The following GARIN1B variants were observed in gnomAD, a reference collection of about 807,000 sequenced individuals.
The protein encoded by GARIN1B is Golgi-associated RAB2 interactor protein 1B.
At chr7:128,723,044 A>C in the GARIN1B span, among the ~76,000 whole-genome samples, 1 of 152,212 alleles carries the variant, frequency 6.6e-6, no homozygotes, top group African/African-American at 2.4e-5. Flanking sequence ...AAACCAAAAA[A>C]TATGGCCTCA....
the GARIN1B span, among the ~76,000 whole-genome samples, chr7:128,716,241 TTCGTCTCCTTGCCTGGGC>T: frequency 6.6e-6 from 1 of 152,178 alleles, no homozygotes; most frequent in South Asian, 2.1e-4. Flanking sequence ...TCGGTGCACG[TTCGTCTCCTTGCCTGGGC>T]TCTCCTCTGG....
the GARIN1B span, among the ~76,000 whole-genome samples, chr7:128,709,578 C>G: frequency 0.24 from 36,796 of 151,872 alleles, 5,212 homozygotes; most frequent in East Asian, 0.61. Flanking sequence ...GCCATCTAAA[C>G]TTGCTGGAAA....
chr7:128,724,894 A>G, the GARIN1B span: 1 of 1,283,640 alleles, frequency 7.8e-7, no homozygotes, highest in Non-Finnish European at 1.0e-6. Context: ...GCTCGCAAAG[A>G]CATGGGCCCA....
the GARIN1B span, chr7:128,715,700 G>A: frequency 6.2e-7 from 1 of 1,609,964 alleles, no homozygotes; most frequent in East Asian, 2.2e-5. Flanking sequence ...GGTATTCTTG[G>A]GTGGCGCAGA....
the GARIN1B span, among the ~76,000 whole-genome samples, chr7:128,722,678 C>G: frequency 6.6e-6 from 1 of 151,990 alleles, no homozygotes; most frequent in Non-Finnish European, 1.5e-5. Context: ...GTGGCAGACA[C>G]CTGTAGTCCT....
At chr7:128,719,234 C>T in the GARIN1B span, 1 of 555,576 alleles carries the variant, frequency 1.8e-6, no homozygotes, top group Non-Finnish European at 2.9e-6. Context: ...CAATAAAATC[C>T]ACCATTGTGG....
At chr7:128,729,833 T>C in the GARIN1B span, 6 of 1,527,820 alleles carry the variant, frequency 3.9e-6, no homozygotes, top group South Asian at 6.0e-5. Context: ...CCCCCCCAAA[T>C]GTCAGCTGTA....
At chr7:128,730,949 C>A in the GARIN1B span, 9 of 725,704 alleles carry the variant, frequency 1.2e-5, no homozygotes, top group East Asian at 2.1e-4. Flanking sequence ...CAGGTGTGAG[C>A]CACTGGGCCC....
At chr7:128,713,894 C>T in the GARIN1B span, 295 of 1,101,284 alleles carry the variant, frequency 2.7e-4, 2 homozygotes, top group Middle Eastern at 3.2e-3. Context: ...TTAATTACTA[C>T]GCTTTTGTGC....
At chr7:128,710,598 T>C in the GARIN1B span, among the ~76,000 whole-genome samples, 2 of 152,244 alleles carry the variant, frequency 1.3e-5, no homozygotes, top group African/African-American at 4.8e-5. Context: ...CTGACTCAGT[T>C]TTCTGTCATG....
the GARIN1B span, among the ~76,000 whole-genome samples, chr7:128,714,472 G>A: frequency 3.9e-5 from 6 of 152,162 alleles, no homozygotes; most frequent in Non-Finnish European, 8.8e-5. Flanking sequence ...CAGCTACTCG[G>A]GAGGCTGAGG....
At chr7:128,728,533 G>A in the GARIN1B span, among the ~76,000 whole-genome samples, 3 of 152,168 alleles carry the variant, frequency 2.0e-5, no homozygotes, top group South Asian at 2.1e-4. Context: ...ACAACTGCTG[G>A]CAGCTGACAC....
chr7:128,720,900 G>C, the GARIN1B span, among the ~76,000 whole-genome samples: 13 of 152,054 alleles, frequency 8.5e-5, no homozygotes, highest in African/African-American at 3.1e-4. Context: ...GGTGATATAA[G>C]TCTTCTAATT....
At chr7:128,709,750 CTTTTTTTTT>C in the GARIN1B span, among the ~76,000 whole-genome samples, 11,968 of 114,714 alleles carry the variant, frequency 0.1, 923 homozygotes, top group East Asian at 0.26. Context: ...CTCTCTCTCT[CTTTTTTTTT>C]TTTTTTTTTT....
chr7:128,722,803 C>CA, the GARIN1B span, among the ~76,000 whole-genome samples: 925 of 144,082 alleles, frequency 6.4e-3, 9 homozygotes, highest in Middle Eastern at 0.018. Context: ...GACTCTGCCT[C>CA]AAAAAAAAAA....
At chr7:128,715,950 C>T in the GARIN1B span, among the ~76,000 whole-genome samples, 1 of 152,186 alleles carries the variant, frequency 6.6e-6, no homozygotes, top group Admixed American at 6.5e-5. Context: ...TATCTAATCC[C>T]CCAGTTTACT....
At chr7:128,713,043 G>A in the GARIN1B span, among the ~76,000 whole-genome samples, 1 of 152,088 alleles carries the variant, frequency 6.6e-6, no homozygotes, top group African/African-American at 2.4e-5. Flanking sequence ...TGGTGGCTCA[G>A]GCCTGTAATC....
chr7:128,718,989 A>G, the GARIN1B span: 5 of 1,614,228 alleles, frequency 3.1e-6, no homozygotes, highest in Non-Finnish European at 4.2e-6. Flanking sequence ...CAAATTCTGC[A>G]AAAGGGGCTG....
At chr7:128,728,616 A>G in the GARIN1B span, among the ~76,000 whole-genome samples, 2 of 152,238 alleles carry the variant, frequency 1.3e-5, no homozygotes, top group East Asian at 3.8e-4. Flanking sequence ...GCTTCAATTA[A>G]GACTTCCATT....
Sources: gnomAD v4.1 joint callset for allele counts (sites outside exome capture counted in the v4.1 genomes callset) on GRCh38, gnomAD v4.1.1 for gene constraint, MANE v1.5 for transcripts, NCBI Gene and HGNC (gene_info 2026-07-23, HGNC 2026-07-21) for gene names.